Variants in SLC24A2 observed in about 807,000 individuals in gnomAD.
The protein encoded by SLC24A2 is solute carrier family 24 member 2.
A neutral mutation model predicts 62.0 loss-of-function variants in SLC24A2; 36 were observed. The observed-to-expected ratio is 0.58, with a 90% CI of 0.44 to 0.77. SLC24A2 has a LOEUF of 0.77. SLC24A2 is among the 30% of genes least tolerant of loss of function. The probability of loss-of-function intolerance (pLI) is 0.00; values close to 1 mark genes in which losing one functional copy is unlikely to be tolerated. For missense variants in SLC24A2, 846 were observed against 817.9 expected, an observed-to-expected ratio of 1.03 and a Z score of -0.42; for synonymous variants, 358 against 294.0, an observed-to-expected ratio of 1.22 and a Z score of -2.23.
At chr9:19,907,614 G>T in the SLC24A2 span, among the ~76,000 whole-genome samples, 3 of 152,250 alleles carry the variant, frequency 2.0e-5, no homozygotes, top group East Asian at 5.8e-4. Context: ...AAGCTGATAG[G>T]CAACTTCAGC....
chr9:20,251,824 G>T, the SLC24A2 span, among the ~76,000 whole-genome samples: 14 of 152,318 alleles, frequency 9.2e-5, no homozygotes, highest in East Asian at 1.9e-3. Context: ...CATATCAGTT[G>T]TAAGAGTCAG....
chr9:20,254,874 A>T, the SLC24A2 span, among the ~76,000 whole-genome samples: 1 of 152,188 alleles, frequency 6.6e-6, no homozygotes, highest in Non-Finnish European at 1.5e-5. Context: ...GTGAAGGAGG[A>T]GCAAAGATAC....
rs1370321261 is a variant in SLC24A2 at position 19,508,717 on chromosome 9, C to G, written c.*7436G>C. ...GCTGAAGTGGGAGGATCGCTTGAGT[C>G]CAGGTGTTTGAGGCTACACTGAGCT... On this transcript the variant is annotated 3_prime_UTR_variant, in exon 11 of 11. Transcript: ENST00000341998. The G allele has an allele frequency of 6.6e-6, 1 of 152,036 alleles. No individual in the cohort carries two copies. Among genetic ancestry groups the G allele is most frequent in the African/African-American group, 2.4e-5 (1 of 41,374 alleles). The allele number at this position is 152,036 out of a possible 1,614,324, so 9.4% of individuals were successfully genotyped here. A position where few individuals can be genotyped will look rare whatever the true frequency, so the allele number is the denominator to read the frequency against.
At chr9:19,895,703 G>A in the SLC24A2 span, 6 of 1,060,084 alleles carry the variant, frequency 5.7e-6, no homozygotes, top group Non-Finnish European at 8.2e-6. Flanking sequence ...TTCATTGGGT[G>A]GCTCTAGCCT....
chr9:20,142,971 T>C, the SLC24A2 span, among the ~76,000 whole-genome samples: 6 of 152,200 alleles, frequency 3.9e-5, no homozygotes, highest in Non-Finnish European at 7.4e-5. Flanking sequence ...CTCCATTCAA[T>C]GCATGATCAC....
chr9:19,973,551 T>A, the SLC24A2 span, among the ~76,000 whole-genome samples: 1 of 152,206 alleles, frequency 6.6e-6, no homozygotes, highest in East Asian at 1.9e-4. Flanking sequence ...GCCTTTACCA[T>A]TTTCTTGCTA....
intron 2 of SLC24A2, among the ~76,000 whole-genome samples, chr9:19,629,833 A>C (rs1042917054): frequency 1.3e-5 from 2 of 152,212 alleles, no homozygotes; most frequent in Non-Finnish European, 2.9e-5. Context: ...AAATGAAAAT[A>C]GTCACTCTTG....
At chr9:20,103,785 A>G in the SLC24A2 span, among the ~76,000 whole-genome samples, 1 of 151,934 alleles carries the variant, frequency 6.6e-6, no homozygotes, top group East Asian at 1.9e-4. Context: ...TCTAAAAAGC[A>G]GAGCGCCCCT....
chr9:19,718,175 C>T (rs1371947759), intron 2 of SLC24A2, among the ~76,000 whole-genome samples: 1 of 151,468 alleles, frequency 6.6e-6, no homozygotes, highest in Non-Finnish European at 1.5e-5. Flanking sequence ...TGGGATTTCT[C>T]CCTGTTGGTA....
At chr9:20,079,651 T>C in the SLC24A2 span, among the ~76,000 whole-genome samples, 1 of 152,202 alleles carries the variant, frequency 6.6e-6, no homozygotes, top group African/African-American at 2.4e-5. Flanking sequence ...GCAAGCACAG[T>C]ATGTCTGTGG....
the SLC24A2 span, among the ~76,000 whole-genome samples, chr9:20,087,652 A>G: frequency 2.6e-5 from 4 of 152,170 alleles, no homozygotes. Flanking sequence ...CTTTTTTCCT[A>G]CTTGATTTTA....
At chr9:19,617,391 C>T (rs928034551) in intron 4 of SLC24A2, among the ~76,000 whole-genome samples, 1 of 152,134 alleles carries the variant, frequency 6.6e-6, no homozygotes, top group Non-Finnish European at 1.5e-5. Context: ...TGCCATCTAA[C>T]ATGTTTGAAT....
At chr9:20,199,895 T>G in the SLC24A2 span, among the ~76,000 whole-genome samples, 1 of 150,530 alleles carries the variant, frequency 6.6e-6, no homozygotes, top group Non-Finnish European at 1.5e-5. Flanking sequence ...ATTTTTTTTT[T>G]TTTTTTTTGT....
chr9:19,641,550 G>A (rs931575126), intron 2 of SLC24A2, among the ~76,000 whole-genome samples: 25 of 144,418 alleles, frequency 1.7e-4, no homozygotes, highest in African/African-American at 6.1e-4. Context: ...AGTCTCACTC[G>A]GTCGCCCAGG....
chr9:19,609,373 A>G (rs1488823723), intron 4 of SLC24A2, among the ~76,000 whole-genome samples: 2 of 152,182 alleles, frequency 1.3e-5, no homozygotes, highest in East Asian at 3.9e-4. Flanking sequence ...ACCTCAGAGG[A>G]GACCCCGGTG....
intron 4 of SLC24A2, among the ~76,000 whole-genome samples, chr9:19,609,208 T>G (rs1401768470): frequency 6.6e-6 from 1 of 152,232 alleles, no homozygotes; most frequent in Non-Finnish European, 1.5e-5. Flanking sequence ...GCGCTCTCAC[T>G]GCTTCAGGAA....
chr9:19,629,190 G>A (rs1049647396), intron 2 of SLC24A2, among the ~76,000 whole-genome samples: 4 of 152,148 alleles, frequency 2.6e-5, no homozygotes, highest in South Asian at 2.1e-4. Flanking sequence ...GCTCAGATAC[G>A]AACTCAGACA....
At chr9:20,025,860 G>C in the SLC24A2 span, among the ~76,000 whole-genome samples, 1 of 152,120 alleles carries the variant, frequency 6.6e-6, no homozygotes, top group Non-Finnish European at 1.5e-5. Flanking sequence ...CAGAGGAGTA[G>C]GGAGAGAGAA....
chr9:20,280,244 C>T, the SLC24A2 span, among the ~76,000 whole-genome samples: 1 of 152,130 alleles, frequency 6.6e-6, no homozygotes, highest in Non-Finnish European at 1.5e-5. Context: ...CCACAGGGAG[C>T]CCTGGAATAC....
Sources: allele counts gnomAD v4.1 joint callset (sites outside exome capture counted in the v4.1 genomes callset), GRCh38; gene constraint gnomAD v4.1.1; transcripts MANE v1.5; gene names NCBI Gene and HGNC (gene_info 2026-07-23, HGNC 2026-07-21).